The following AGPAT4 variants were observed in gnomAD, a reference collection of about 807,000 sequenced individuals.
AGPAT4 encodes the protein 1-acylglycerol-3-phosphate O-acyltransferase 4.
Under a neutral mutation model 48.0 loss-of-function variants are expected in AGPAT4, and 15 were observed. The ratio of observed to expected loss-of-function variants is 0.31; its 90% CI spans 0.21 to 0.48. AGPAT4 has a LOEUF of 0.48. Among genes scored for constraint, AGPAT4 ranks in the 20% least tolerant of loss-of-function variants. The probability of loss-of-function intolerance (pLI) is 0.99; values close to 1 mark genes in which losing one functional copy is unlikely to be tolerated. For missense variants in AGPAT4, 314 were observed against 482.5 expected (o/e 0.65, Z 3.27); for synonymous variants, 178 against 198.7 (o/e 0.90, Z 0.88).
Position 161,138,490 on chromosome 6 carries a change from G to A in AGPAT4, c.1042+932C>T, listed in dbSNP as rs1209435298. ...TATAGATGCACATATGCTTGAGACTGGAACCACCACGTGCATCAAATTGTC... is the reference window on the plus strand; with the variant it reads ...TATAGATGCACATATGCTTGAGACTAGAACCACCACGTGCATCAAATTGTC... On this transcript the variant is annotated intron_variant, in intron 8 of 8. Transcript: ENST00000320285. This position sits in a 1 kb window ranked among gnomAD's most constrained non-coding sequence, Gnocchi z 4.8. Among the ~76,000 whole-genome samples the A allele has an allele frequency of 1.3e-5, 2 of 152,162 alleles. No homozygotes were observed. Among genetic ancestry groups the A allele is most frequent in the African/African-American group, 2.4e-5 (1 of 41,436 alleles).
rs971769586 is a variant in AGPAT4 at position 161,205,140 on chromosome 6, T to C, written c.178+26896A>G. 1.8e-4 allele frequency among the ~76,000 whole-genome samples: 28 copies of C among 152,142 alleles called. 1 individual carries two copies. Among genetic ancestry groups the C allele is most frequent in the Admixed American group, 1.6e-3 (25 of 15,278 alleles). On this transcript the variant is annotated intron_variant, in intron 2 of 8. Coordinates refer to ENST00000320285, the MANE Select transcript of AGPAT4 (RefSeq NM_020133.3). ...AGAGTCAAAACACATCATGATTCTC[T>C]GGCACGACTGATCCTAAAATGTGTA...
At position 161,136,165 on chromosome 6, in the gene AGPAT4, G is replaced by A. The variant is rs1240595944; in HGVS notation, c.*375C>T. 9.3e-6 allele frequency: 2 copies of A among 214,738 alleles called. No homozygotes were observed. Among genetic ancestry groups the A allele is most frequent in the Non-Finnish European group, 1.9e-5 (2 of 107,368 alleles). 13.3% of individuals were successfully genotyped at this position (214,738 alleles called of 1,614,324 possible). ...TTTTCACTTTATCTCTGGCAACCAA[G>A]GGTTACAGAAAACTCAGCACCAAAG... On this transcript the variant is annotated 3_prime_UTR_variant, in exon 9 of 9. Transcript: ENST00000320285.
In AGPAT4 at chr6:161,166,121, A is replaced by G; in HGVS notation, c.348+127T>C. On this transcript the variant is annotated intron_variant, in intron 3 of 8. Transcript: ENST00000320285. The surrounding 1 kb of genome is among the most constrained non-coding windows in gnomAD (Gnocchi z 6.7). The stretch of plus-strand genomic sequence containing the variant: ...CAAGAATAAAAAGCAGTTTATTAGG[A>G]CCATTTCATCAAGTAGAAACTCTGT... The G allele has an allele frequency of 1.6e-6, 2 of 1,271,578 alleles. No individual in the cohort carries two copies. Among genetic ancestry groups the G allele is most frequent in the South Asian group, 2.9e-5 (2 of 70,146 alleles). The allele number at this position is 1,271,578 out of a possible 1,614,324, so 78.8% of individuals were successfully genotyped here.
chr6:161,145,793 T>C (rs553607009), intron 7 of AGPAT4, among the ~76,000 whole-genome samples: 9 of 151,834 alleles, frequency 5.9e-5, no homozygotes, highest in African/African-American at 2.2e-4. Flanking sequence ...ATAGAATATA[T>C]CTGATTCTAG....
rs1781055688 is a variant in AGPAT4 at position 161,195,982 on chromosome 6, C to T, written c.179-29565G>A. Among the ~76,000 whole-genome samples, 1 of 152,202 alleles carries T rather than the reference C, an allele frequency of 6.6e-6. No homozygotes were observed. The highest frequency in any genetic ancestry group is 1.5e-5 in the Non-Finnish European group (1 of 68,040). ...CCACCGTGTGCAGAGGCAGCTCACA[C>T]CCACAAGGCTCTGTGATTCACGTGC... On this transcript the variant is annotated intron_variant, in intron 2 of 8. Coordinates refer to ENST00000320285, the MANE Select transcript of AGPAT4 (RefSeq NM_020133.3). The surrounding 1 kb of genome is among the most constrained non-coding windows in gnomAD (Gnocchi z 5.0).
rs1781452304 is a variant in AGPAT4 at position 161,208,967 on chromosome 6, C to T, written c.178+23069G>A. ...CAGAAAGAGTCCCTAAAACGGCAAT[C>T]ATGACCTTGTGTTAATTACTGGGGA... is the stretch of plus-strand genomic sequence containing the variant. On this transcript the variant is annotated intron_variant, in intron 2 of 8. Coordinates refer to ENST00000320285, the MANE Select transcript of AGPAT4 (RefSeq NM_020133.3). This position sits in a 1 kb window ranked among gnomAD's most constrained non-coding sequence, Gnocchi z 4.6. 6.6e-6 allele frequency among the ~76,000 whole-genome samples: 1 copy of T among 152,220 alleles called. No homozygotes were observed. Among genetic ancestry groups the T allele is most frequent in the African/African-American group, 2.4e-5 (1 of 41,456 alleles).
rs775190540 is a variant in AGPAT4, at chr6:161,139,587, T to C, written c.877A>G (p.Thr293Ala). ...GGCACCATGGGCGTCTCTGGGAAGG[T>C]GCCCGTCCTGTAGTACTCCTCCTGA... ...AFQEEYYRTG[T>A]FPETPMVPPR... The change falls in exon 8 of 9, where the codon ACC becomes GCC. Residue 293 changes from threonine to alanine, a missense_variant. Transcript: ENST00000320285. The surrounding 1 kb of genome is among the most constrained non-coding windows in gnomAD (Gnocchi z 9.1). 6 of 1,613,196 alleles carry C rather than the reference T, an allele frequency of 3.7e-6. No homozygotes were observed. Among genetic ancestry groups the C allele is most frequent in the Non-Finnish European group, 4.2e-6 (5 of 1,179,522 alleles).
At position 161,251,423 on chromosome 6, in the gene AGPAT4, T is replaced by A. The variant is rs1265849704; in HGVS notation, c.-89-19121A>T. Among the ~76,000 whole-genome samples, 2 of 152,100 alleles carry A rather than the reference T, an allele frequency of 1.3e-5. No homozygotes were observed. Among genetic ancestry groups the A allele is most frequent in the Non-Finnish European group, 2.9e-5 (2 of 68,016 alleles). On this transcript the variant is annotated intron_variant, in intron 1 of 8. Coordinates refer to ENST00000320285, the MANE Select transcript of AGPAT4 (RefSeq NM_020133.3). The surrounding 1 kb of genome is among the most constrained non-coding windows in gnomAD (Gnocchi z 4.6). The stretch of plus-strand genomic sequence containing the variant: ...TAGATGAGAAAGCTGACAGCTAGAG[T>A]GTTAAGTGACCTGCCTGTCACTCAG...
rs994654885 is a variant in AGPAT4 at position 161,133,886 on chromosome 6, G to T, written c.*2654C>A. On this transcript the variant is annotated 3_prime_UTR_variant, in exon 9 of 9. Coordinates refer to ENST00000320285, the MANE Select transcript of AGPAT4 (RefSeq NM_020133.3). ...GGGACAAAAAGATGGCTTAGGCTCC[G>T]TGGGTTTTCAACTCGTAGAAAAAAT... 2.6e-5 allele frequency: 4 copies of T among 152,218 alleles called. No homozygotes were observed. Among genetic ancestry groups the T allele is most frequent in the African/African-American group, 9.7e-5 (4 of 41,436 alleles). The allele number at this position is 152,218 out of a possible 1,614,324, so 9.4% of individuals were successfully genotyped here.
At position 161,142,351 on chromosome 6, in the gene AGPAT4, A is replaced by G. The variant is rs1779281319; in HGVS notation, c.844-2731T>C. Among the ~76,000 whole-genome samples, 1 of 152,176 alleles carries G rather than the reference A, an allele frequency of 6.6e-6. No individual in the cohort carries two copies. Among genetic ancestry groups the G allele is most frequent in the African/African-American group, 2.4e-5 (1 of 41,440 alleles). Reference sequence around the variant, plus strand: ...ATCTTGGTTGTGGACCCGTTTTGTAATAAAATTTGCCCCGCAGGGAAAGGA... The same window carrying G: ...ATCTTGGTTGTGGACCCGTTTTGTAGTAAAATTTGCCCCGCAGGGAAAGGA... On this transcript the variant is annotated intron_variant, in intron 7 of 8. Transcript: ENST00000320285. This position sits in a 1 kb window ranked among gnomAD's most constrained non-coding sequence, Gnocchi z 6.4.
chr6:161,188,520 T>C (rs1780831880), intron 2 of AGPAT4, among the ~76,000 whole-genome samples: 1 of 152,190 alleles, frequency 6.6e-6, no homozygotes, highest in Non-Finnish European at 1.5e-5. Context: ...CCCCATTACA[T>C]TTGAATTTCA....
intron 2 of AGPAT4, among the ~76,000 whole-genome samples, chr6:161,227,226 C>A (rs1460929554): frequency 6.6e-6 from 1 of 152,200 alleles, no homozygotes; most frequent in Non-Finnish European, 1.5e-5. Context: ...TCTAGTAGGT[C>A]TCCTTTTATG....
rs9458139 is a variant in AGPAT4 at position 161,141,590 on chromosome 6, A to T, written c.844-1970T>A. 0.1 allele frequency among the ~76,000 whole-genome samples: 14,742 copies of T among 144,280 alleles called. 1,076 individuals carry two copies. Among genetic ancestry groups the T allele is most frequent in the African/African-American group, 0.24 (8,393 of 35,650 alleles). 94.7% of individuals were successfully genotyped at this position (144,280 alleles called of 152,430 possible). A position where few individuals can be genotyped will look rare whatever the true frequency, so the allele number is the denominator to read the frequency against. On this transcript the variant is annotated intron_variant, in intron 7 of 8. Transcript: ENST00000320285. The surrounding 1 kb of genome is among the most constrained non-coding windows in gnomAD (Gnocchi z 6.7). ...ATATTTTTGTGCCTTGTTTTTTTTT[A>T]AAAAAAAAACAGCTTTCTTAAGATG...
chr6:161,251,563 C>T lies in AGPAT4; in HGVS notation c.-89-19261G>A, dbSNP rs1005628289. On this transcript the variant is annotated intron_variant, in intron 1 of 8. Coordinates refer to ENST00000320285, the MANE Select transcript of AGPAT4 (RefSeq NM_020133.3). This position sits in a 1 kb window ranked among gnomAD's most constrained non-coding sequence, Gnocchi z 4.6. ...TCTTCCTCTCCCAGAGGCTGCACAACGTTACCCTGCATTACAGACCAGCCT... is the reference window on the plus strand; with the variant it reads ...TCTTCCTCTCCCAGAGGCTGCACAATGTTACCCTGCATTACAGACCAGCCT... 6.6e-6 allele frequency among the ~76,000 whole-genome samples: 1 copy of T among 152,160 alleles called. No homozygotes were observed. Among genetic ancestry groups the T allele is most frequent in the Non-Finnish European group, 1.5e-5 (1 of 68,042 alleles).
chr6:161,168,656 T>C (rs1033113802), intron 2 of AGPAT4, among the ~76,000 whole-genome samples: 1 of 152,172 alleles, frequency 6.6e-6, no homozygotes, highest in African/African-American at 2.4e-5. Flanking sequence ...GTTCAAGCAC[T>C]CTGCGAGATA....
In AGPAT4 at chr6:161,264,515, C is replaced by G. The variant is rs914360426; in HGVS notation, c.-90+9423G>C. On this transcript the variant is annotated intron_variant, in intron 1 of 8. Coordinates refer to ENST00000320285, the MANE Select transcript of AGPAT4 (RefSeq NM_020133.3). This position sits in a 1 kb window ranked among gnomAD's most constrained non-coding sequence, Gnocchi z 6.8. ...TTCTCTAGGAAGTATTTTAGGAAGC[C>G]CAGACTGGGCAGGGGTGGTGAGGTG... Among the ~76,000 whole-genome samples the G allele has an allele frequency of 6.6e-6, 1 of 152,192 alleles. No individual in the cohort carries two copies.
chr6:161,228,578 T>C (rs914158665), intron 2 of AGPAT4, among the ~76,000 whole-genome samples: 50 of 79,250 alleles, frequency 6.3e-4, no homozygotes, highest in Admixed American at 4.5e-3. Flanking sequence ...CCCCTGCCTT[T>C]TTTTTTTTTT....
chr6:161,139,525 A>C lies in AGPAT4; in HGVS notation c.939T>G (p.Phe313Leu), dbSNP rs1269016507. Reference protein sequence around the residue: ...RRPWTLVNWLFWASLVLYPFF... With the variant: ...RRPWTLVNWLLWASLVLYPFF... ...AAGGGTAGAGCACCAGCGAGGCCCA[A>C]AACAGCCAGTTCACGAGGGTCCAGG... Residue 313 changes from phenylalanine (F) to leucine (L), a missense_variant, in exon 8 of 9, where the codon TTT becomes TTG. Transcript: ENST00000320285. This position sits in a 1 kb window ranked among gnomAD's most constrained non-coding sequence, Gnocchi z 9.1. 1 of 1,614,124 alleles carries C rather than the reference A, an allele frequency of 6.2e-7. No individual in the cohort carries two copies. Among genetic ancestry groups the C allele is most frequent in the Non-Finnish European group, 8.5e-7 (1 of 1,180,032 alleles).
At chr6:161,193,689 T>C (rs1195498434) in intron 2 of AGPAT4, among the ~76,000 whole-genome samples, 3 of 152,232 alleles carry the variant, frequency 2.0e-5, no homozygotes, top group African/African-American at 7.2e-5. Context: ...AGGCAGACTC[T>C]GGGCTTTGAC....
Sources: gnomAD v4.1 joint callset for allele counts (sites outside exome capture counted in the v4.1 genomes callset) on GRCh38, gnomAD v4.1.1 for gene constraint, Gnocchi (gnomAD v3.1) non-coding constraint, MANE v1.5 for transcripts, NCBI Gene and HGNC (gene_info 2026-07-23, HGNC 2026-07-21) for gene names.